The following BRPF3 variants were observed in gnomAD, a reference collection of about 807,000 sequenced individuals.
BRPF3 encodes bromodomain and PHD finger containing 3, also known as bromodomain and PHD finger-containing protein 3.
In BRPF3, 18 loss-of-function variants were observed where a neutral mutation model predicts 102.0. The ratio of observed to expected loss-of-function variants is 0.18; its 90% confidence interval spans 0.12 to 0.26. BRPF3 has a LOEUF of 0.26. Among genes scored for constraint, BRPF3 ranks in the 10% least tolerant of loss-of-function variants. BRPF3 has a pLI of 1.00. For synonymous variants in BRPF3, 570 were observed against 614.2 expected (o/e 0.93, Z 1.06); for missense variants, 1,147 against 1,567.8 (o/e 0.73, Z 4.53).
chr6:36,201,412 C>T lies in BRPF3; in HGVS notation c.1090C>T (p.Pro364Ser). 1 of 1,614,152 alleles carries T rather than the reference C, an allele frequency of 6.2e-7. No individual in the cohort carries two copies. The highest frequency in any genetic ancestry group is 1.1e-5 in the South Asian group (1 of 91,070). The change falls in exon 2 of 13, where the codon CCC becomes TCC. Residue 364 changes from proline to serine, a missense_variant. Around this residue, in one of 11 missense-constraint regions of BRPF3, gnomAD observed 157 missense variants for 163.6 expected, o/e 0.96. Coordinates refer to ENST00000357641, the MANE Select transcript of BRPF3 (RefSeq NM_015695.3). This position sits in a 1 kb window ranked among gnomAD's most constrained non-coding sequence, Gnocchi z 5.1. ...QRAGLFMKIE[P>S]MRETSLNGTI... ...GGCTGGGCTCTTCATGAAGATTGAG[C>T]CCATGCGCGAAACCAGCCTCAATGG...
intron 1 of BRPF3, chr6:36,197,412 T>A (rs890857036): frequency 2.0e-5 from 3 of 152,266 alleles, no homozygotes; most frequent in African/African-American, 7.2e-5. Flanking sequence ...CACGTCAGGC[T>A]GTCTCTGGTG....
chr6:36,217,936 A>C lies in BRPF3; in HGVS notation c.3009A>C (p.Gly1003=). Residue 1003 remains glycine, a synonymous_variant, in exon 9 of 13, where the codon GGA becomes GGC. Coordinates refer to ENST00000357641, the MANE Select transcript of BRPF3 (RefSeq NM_015695.3). ...TGGCAGGCATGACCAACGGCTTTGG[A>C]AAACACACCGAAAGCGGGTCTGACT... ...EEETGMTNGF[G]KHTESGSDSE... 6.2e-7 allele frequency: 1 copy of C among 1,613,382 alleles called. No homozygotes were observed. Among genetic ancestry groups the C allele is most frequent in the Non-Finnish European group, 8.5e-7 (1 of 1,179,720 alleles).
In BRPF3 at chr6:36,204,659, T is replaced by C. The variant is rs373180513; in HGVS notation, c.1450T>C (p.Leu484=). ...LAVPQIPSYR[L]NKICSGLSFQ... The stretch of plus-strand genomic sequence containing the variant: ...CACTTCCGTGTGCCTCTACTCAAGG[T>C]TGAACAAGATCTGTAGTGGTCTCTC... Residue 484 remains leucine (L), a splice_region_variant and synonymous_variant, in exon 3 of 13, where the codon TTG becomes CTG. Coordinates refer to ENST00000357641, the MANE Select transcript of BRPF3 (RefSeq NM_015695.3). 2.4e-5 allele frequency: 38 copies of C among 1,614,178 alleles called. No individual in the cohort carries two copies. Among genetic ancestry groups the C allele is most frequent in the Non-Finnish European group, 3.1e-5 (36 of 1,180,026 alleles).
At chr6:36,203,907 A>G (rs1294370484) in intron 2 of BRPF3, among the ~76,000 whole-genome samples, 1 of 152,200 alleles carries the variant, frequency 6.6e-6, no homozygotes, top group African/African-American at 2.4e-5. Flanking sequence ...CTTTTGTAAA[A>G]TGGAAATAAT....
At position 36,225,308 on chromosome 6, in the gene BRPF3, G is replaced by A. The variant is rs142171063; in HGVS notation, c.3223G>A (p.Glu1075Lys). Residue 1075 changes from glutamate to lysine, a missense_variant, in exon 11 of 13, where the codon GAG becomes AAG. Transcript: ENST00000357641. ...GCCCTTTGAAGACCGCGGAGACCTG[G>A]AGCCCTTGGAGCTGGTGTGGGCCAA... ...LLPFEDRGDL[E>K]PLELVWAKCR... is the part of the protein sequence containing the mutation. 9.2e-3 allele frequency: 14,805 copies of A among 1,610,512 alleles called. 84 individuals carry two copies. Among genetic ancestry groups the A allele is most frequent in the Middle Eastern group, 0.014 (83 of 6,062 alleles).
At chr6:36,199,376 A>G (rs1261877567) in intron 1 of BRPF3, among the ~76,000 whole-genome samples, 2 of 152,218 alleles carry the variant, frequency 1.3e-5, no homozygotes, top group Admixed American at 1.3e-4. Flanking sequence ...ATTGTCTTCC[A>G]CGAAACCAGT....
At position 36,231,061 on chromosome 6, in the gene BRPF3, C is replaced by T. The variant is rs2127299737; in HGVS notation, c.*452C>T. 1 of 163,526 alleles carries T rather than the reference C, an allele frequency of 6.1e-6. No homozygotes were observed. The highest frequency in any genetic ancestry group is 1.8e-4 in the East Asian group (1 of 5,584). 10.1% of individuals were successfully genotyped at this position (163,526 alleles called of 1,614,324 possible). The stretch of plus-strand genomic sequence containing the variant: ...CCCAGGGGGAATCTCCCCAAGCTCA[C>T]ACTCTCTCCCGCTTATCGCCTATTC... On this transcript the variant is annotated 3_prime_UTR_variant, in exon 13 of 13. Coordinates refer to ENST00000357641, the MANE Select transcript of BRPF3 (RefSeq NM_015695.3).
chr6:36,205,981 C>T (rs1277810413), intron 3 of BRPF3, among the ~76,000 whole-genome samples: 2 of 152,176 alleles, frequency 1.3e-5, no homozygotes, highest in Admixed American at 1.3e-4. Flanking sequence ...CTCCTGGACT[C>T]ATATCAAAAG....
rs1160592236 is a variant in BRPF3 at position 36,201,154 on chromosome 6, G to A, written c.832G>A (p.Ala278Thr). 4 of 1,613,976 alleles carry A rather than the reference G, an allele frequency of 2.5e-6. No homozygotes were observed. The highest frequency in any genetic ancestry group is 3.4e-6 in the Non-Finnish European group (4 of 1,180,024). ...DCILCPNKGG[A>T]FKQTSDGHWA... ...CATCCTTTGCCCCAATAAGGGTGGC[G>A]CCTTCAAACAGACCAGTGATGGGCA... The change falls in exon 2 of 13, where the codon GCC (alanine) becomes ACC (threonine). Residue 278 changes from alanine to threonine, a missense_variant. By Grantham distance (58) the Ala-to-Thr change is moderately conservative. Coordinates refer to ENST00000357641, the MANE Select transcript of BRPF3 (RefSeq NM_015695.3). The surrounding 1 kb of genome is among the most constrained non-coding windows in gnomAD (Gnocchi z 5.1).
Position 36,201,626 on chromosome 6 carries a change from G to A in BRPF3, c.1304G>A (p.Gly435Asp). 6.2e-7 allele frequency: 1 copy of A among 1,614,164 alleles called. No homozygotes were observed. The highest frequency in any genetic ancestry group is 8.5e-7 in the Non-Finnish European group (1 of 1,179,994). The change falls in exon 2 of 13, where the codon GGC becomes GAC. Residue 435 changes from glycine to aspartate, a missense_variant. Transcript: ENST00000357641. The surrounding 1 kb of genome is among the most constrained non-coding windows in gnomAD (Gnocchi z 5.1). Reference protein sequence around the residue: ...EVEEEEQEAQGGVSGSLKGVP... With the variant: ...EVEEEEQEAQDGVSGSLKGVP... ...GAGGAAGAAGAGCAGGAAGCTCAAG[G>A]CGGGGTGAGTGGCTCCCTCAAGGGA...
rs777084893 is a variant in BRPF3, at chr6:36,230,414, C to T, written c.3435-12C>T. ...CACTACTGCCCAGCCTCTTACTGTG[C>T]TTGCATTTCAGGCAGTGGCTTCCAA... On this transcript the variant is annotated splice_polypyrimidine_tract_variant and intron_variant, in intron 12 of 12. Transcript: ENST00000357641. This position sits in a 1 kb window ranked among gnomAD's most constrained non-coding sequence, Gnocchi z 5.4. The T allele has an allele frequency of 6.2e-7, 1 of 1,613,430 alleles. No homozygotes were observed. Among genetic ancestry groups the T allele is most frequent in the Non-Finnish European group, 8.5e-7 (1 of 1,179,610 alleles).
At chr6:36,227,199 CTCTTG>C (rs1768770770) in intron 11 of BRPF3, among the ~76,000 whole-genome samples, 1 of 151,600 alleles carries the variant, frequency 6.6e-6, no homozygotes, top group Non-Finnish European at 1.5e-5. Context: ...TTTTTTCTGG[CTCTTG>C]TCTTTTTTTT....
At chr6:36,206,449 A>G (rs74506448) in intron 3 of BRPF3, among the ~76,000 whole-genome samples, 162 of 152,274 alleles carry the variant, frequency 1.1e-3, no homozygotes, top group African/African-American at 3.8e-3. Context: ...TCCTCTTTCT[A>G]GGCAGGCGAA....
rs142886577 is a variant in BRPF3 at position 36,230,438 on chromosome 6, A to G, written c.3447A>G (p.Pro1149=). The change falls in exon 13 of 13, where the codon CCA becomes CCG. Residue 1149 remains proline (P), a synonymous_variant. Transcript: ENST00000357641. This position sits in a 1 kb window ranked among gnomAD's most constrained non-coding sequence, Gnocchi z 5.4. ...GCTTGCATTTCAGGCAGTGGCTTCC[A>G]AGGGACAAAGTCCTGCCCTTGGGTG... ...FDNKRTWQWL[P]RDKVLPLGVE... 2.1e-4 allele frequency: 332 copies of G among 1,614,040 alleles called. 3 individuals carry two copies. In the African/African-American group the frequency reaches 4.1e-3, roughly 20 times the overall value.
rs1266059578 is a variant in BRPF3, at chr6:36,210,447, A to G, written c.2098A>G (p.Ile700Val). The change falls in exon 6 of 13, where the codon ATC (isoleucine) becomes GTC (valine). Residue 700 changes from isoleucine to valine, a missense_variant. This residue lies in a region of BRPF3 where 109 missense variants were observed against 175.1 expected (regional missense o/e 0.62). Coordinates refer to ENST00000357641, the MANE Select transcript of BRPF3 (RefSeq NM_015695.3). The surrounding 1 kb of genome is among the most constrained non-coding windows in gnomAD (Gnocchi z 4.7). ...LRHARRQAENIGYDPERGTHL... is the reference protein window; with the variant it reads ...LRHARRQAENVGYDPERGTHL... Reference sequence around the variant, plus strand: ...GCACGCCCGGCGGCAGGCAGAGAACATCGGCTATGACCCCGAGAGGGGCAC... The same window carrying G: ...GCACGCCCGGCGGCAGGCAGAGAACGTCGGCTATGACCCCGAGAGGGGCAC... 2.5e-6 allele frequency: 4 copies of G among 1,610,864 alleles called. No homozygotes were observed. Among genetic ancestry groups the G allele is most frequent in the African/African-American group, 1.3e-5 (1 of 74,930 alleles).
Position 36,201,803 on chromosome 6 carries a change from C to G in BRPF3, c.1448+33C>G. ...TGCCCAGAAGGGCTCCTTAGGGACT[C>G]ATGGTTTCTTCTTGGGTTGGTGTTG... On this transcript the variant is annotated intron_variant, in intron 2 of 12. Coordinates refer to ENST00000357641, the MANE Select transcript of BRPF3 (RefSeq NM_015695.3). The surrounding 1 kb of genome is among the most constrained non-coding windows in gnomAD (Gnocchi z 5.1). 1 of 1,548,634 alleles carries G rather than the reference C, an allele frequency of 6.5e-7. No homozygotes were observed. The highest frequency in any genetic ancestry group is 1.8e-4 in the Middle Eastern group (1 of 5,670).
At chr6:36,216,614 T>C (rs756062154) in intron 8 of BRPF3, among the ~76,000 whole-genome samples, 7 of 152,240 alleles carry the variant, frequency 4.6e-5, no homozygotes, top group African/African-American at 4.8e-5. Flanking sequence ...CCTGCTCTTA[T>C]AGGAGGGACT....
intron 9 of BRPF3, among the ~76,000 whole-genome samples, 160 bp from the exon 10 acceptor site, chr6:36,222,008 A>T (rs1473936089): frequency 2.0e-5 from 3 of 152,076 alleles, no homozygotes; most frequent in African/African-American, 7.2e-5. Context: ...AGTCAAAAAC[A>T]TGGGTTAGTG....
rs534196253 is a variant in BRPF3, at chr6:36,230,751, G to A, written c.*142G>A. ...GGACTGGGCTTTCTCCCCACTAAGGGCAAGGCCCCAGTTTTGACCAATCGC... is the reference window on the plus strand; with the variant it reads ...GGACTGGGCTTTCTCCCCACTAAGGACAAGGCCCCAGTTTTGACCAATCGC... On this transcript the variant is annotated 3_prime_UTR_variant, in exon 13 of 13. Transcript: ENST00000357641. This position sits in a 1 kb window ranked among gnomAD's most constrained non-coding sequence, Gnocchi z 5.4. The A allele has an allele frequency of 8.6e-5, 94 of 1,094,738 alleles. No individual in the cohort carries two copies. The highest frequency in any genetic ancestry group is 8.4e-4 in the Middle Eastern group (3 of 3,572). The allele number at this position is 1,094,738 out of a possible 1,614,324, so 67.8% of individuals were successfully genotyped here.
Sources: gnomAD v4.1 joint callset for allele counts (sites outside exome capture counted in the v4.1 genomes callset) on GRCh38, gnomAD v4.1.1 for gene constraint, gnomAD v4.1.1 regional missense constraint, Gnocchi (gnomAD v3.1) non-coding constraint, MANE v1.5 for transcripts, NCBI Gene and HGNC (gene_info 2026-07-23, HGNC 2026-07-21) for gene names.